The following FCRL5 variants were observed in gnomAD, a reference collection of about 807,000 sequenced individuals.
FCRL5 encodes the protein Fc receptor-like protein 5.
In FCRL5, 79 loss-of-function variants were observed where a neutral mutation model predicts 92.1. The observed-to-expected ratio is 0.86, with a 90% CI of 0.72 to 1.03. FCRL5 has a LOEUF of 1.03. Ranked by LOEUF, FCRL5 falls within the 50% of genes least tolerant of loss-of-function variation. FCRL5 has a pLI of 0.00. For missense variants in FCRL5, 1,160 were observed against 1,181.1 expected, an observed-to-expected ratio of 0.98 and a Z score of 0.26; for synonymous variants, 466 against 469.3, an observed-to-expected ratio of 0.99 and a Z score of 0.09.
At chr1:157,516,403 A>ACAT (rs1649935326) in intron 15 of FCRL5, among the ~76,000 whole-genome samples, 1 of 152,216 alleles carries the variant, frequency 6.6e-6, no homozygotes, top group African/African-American at 2.4e-5. Context: ...ATGTGTGAGC[A>ACAT]CATGTATCTG....
chr1:157,534,814 C>G lies in FCRL5; in HGVS notation c.1481G>C (p.Cys494Ser). Residue 494 changes from cysteine (C) to serine (S), a missense_variant, in exon 8 of 17, where the codon TGT becomes TCT. Cys to Ser is a moderately radical substitution (Grantham distance 112). Coordinates refer to ENST00000361835, the MANE Select transcript of FCRL5 (RefSeq NM_031281.3). ...TFEGATVTLHCEVQRGSPQIL... is the reference protein window; with the variant it reads ...TFEGATVTLHSEVQRGSPQIL... ...TTGTGGGGAACCTCTCTGGACTTCA[C>G]AGTGAAGTGTCACAGTGGCTCCTTC... 6.2e-7 allele frequency: 1 copy of G among 1,606,344 alleles called. No homozygotes were observed. Among genetic ancestry groups the G allele is most frequent in the Non-Finnish European group, 8.5e-7 (1 of 1,176,172 alleles).
chr1:157,533,102 T>C (rs1268425626), intron 8 of FCRL5: 1 of 152,142 alleles, frequency 6.6e-6, no homozygotes, highest in Non-Finnish European at 1.5e-5. Context: ...ACTGCTTTTT[T>C]CCCCATAATC....
chr1:157,544,112 C>G (rs1162109808), intron 5 of FCRL5, 150 bp downstream of exon 5: 1 of 800,486 alleles, frequency 1.2e-6, no homozygotes, highest in East Asian at 2.5e-5. Flanking sequence ...CTAAGATGTT[C>G]ACAAGAGTAG....
chr1:157,527,346 T>C (rs745708418), intron 9 of FCRL5, among the ~76,000 whole-genome samples: 4 of 152,236 alleles, frequency 2.6e-5, no homozygotes, highest in Non-Finnish European at 4.4e-5. Flanking sequence ...GAATATAGTT[T>C]GTATTTTGAA....
At chr1:157,545,202 T>C in intron 3 of FCRL5, 120 bp from the exon 4 acceptor site, 1 of 1,125,474 alleles carries the variant, frequency 8.9e-7, no homozygotes, top group South Asian at 1.6e-5. Flanking sequence ...CTTAAAATAA[T>C]TATCATTTCT....
chr1:157,544,308 A>C lies in FCRL5; in HGVS notation c.798T>G (p.Pro266=), dbSNP rs997105524. The change falls in exon 5 of 17, where the codon CCT becomes CCG. Residue 266 remains proline (P), a synonymous_variant. Coordinates refer to ENST00000361835, the MANE Select transcript of FCRL5 (RefSeq NM_031281.3). ...TCGGGCTGTCAGATATGACGCTGTAAGGCATTGTTGCTGCCTTACACCAGT... is the reference window on the plus strand; with the variant it reads ...TCGGGCTGTCAGATATGACGCTGTACGGCATTGTTGCTGCCTTACACCAGT... ...GFYWCKAATM[P]YSVISDSPRS... 5 of 1,614,212 alleles carry C rather than the reference A, an allele frequency of 3.1e-6. No homozygotes were observed. The highest frequency in any genetic ancestry group is 4.2e-6 in the Non-Finnish European group (5 of 1,180,030).
Position 157,544,875 on chromosome 1 carries a change from C to G in FCRL5, c.515G>C (p.Ser172Thr), listed in dbSNP as rs767832191. ...GAYRCTGYKE[S>T]CCPVSSNTVK... Reference sequence around the variant, plus strand: ...TGTATTGGAAGAAACAGGGCAACAACTTTCCTTATATCCAGTACAGCGATA... The same window carrying G: ...TGTATTGGAAGAAACAGGGCAACAAGTTTCCTTATATCCAGTACAGCGATA... The change falls in exon 4 of 17, where the codon AGT (serine) becomes ACT (threonine). Residue 172 changes from serine (S) to threonine (T), a missense_variant. Coordinates refer to ENST00000361835, the MANE Select transcript of FCRL5 (RefSeq NM_031281.3). 1.4e-5 allele frequency: 22 copies of G among 1,614,114 alleles called. No individual in the cohort carries two copies. The highest frequency in any genetic ancestry group is 1.5e-5 in the Non-Finnish European group (18 of 1,180,050).
rs970872004 is a variant in FCRL5 at position 157,545,018 on chromosome 1, C to T, written c.372G>A (p.Arg124=). Residue 124 remains arginine (R), a synonymous_variant, in exon 4 of 17, where the codon CGG becomes CGA. Coordinates refer to ENST00000361835, the MANE Select transcript of FCRL5 (RefSeq NM_031281.3). ...TATTCAGTGTTACTTCCGCCTTTGCCCGGCACCTCAGAACCACAGAGTCTC... is the reference window on the plus strand; with the variant it reads ...TATTCAGTGTTACTTCCGCCTTTGCTCGGCACCTCAGAACCACAGAGTCTC... ...FEGDSVVLRC[R]AKAEVTLNNT... The T allele has an allele frequency of 1.2e-6, 2 of 1,613,380 alleles. No homozygotes were observed. The highest frequency in any genetic ancestry group is 1.7e-5 in the Admixed American group (1 of 60,000).
chr1:157,552,457 C>G lies in FCRL5; in HGVS notation c.-95G>C. The G allele has an allele frequency of 7.8e-7, 1 of 1,283,832 alleles. No individual in the cohort carries two copies. Among genetic ancestry groups the G allele is most frequent in the South Asian group, 1.2e-5 (1 of 84,086 alleles). 79.5% of individuals were successfully genotyped at this position (1,283,832 alleles called of 1,614,324 possible). On this transcript the variant is annotated 5_prime_UTR_variant, in exon 1 of 17. Transcript: ENST00000361835. The stretch of plus-strand genomic sequence containing the variant: ...GATCTTACAGTCAGGACACTGCACA[C>G]CAGCTCCAAGGAGCACATCTGAGAA...
At position 157,552,452 on chromosome 1, in the gene FCRL5, G is replaced by T; in HGVS notation, c.-90C>A. The T allele has an allele frequency of 1.5e-6, 2 of 1,302,294 alleles. No individual in the cohort carries two copies. Among genetic ancestry groups the T allele is most frequent in the South Asian group, 1.2e-5 (1 of 84,624 alleles). The allele number at this position is 1,302,294 out of a possible 1,614,324, so 80.7% of individuals were successfully genotyped here. ...GACTTGATCTTACAGTCAGGACACT[G>T]CACACCAGCTCCAAGGAGCACATCT... On this transcript the variant is annotated 5_prime_UTR_variant, in exon 1 of 17. It introduces an in-frame stop codon into an upstream open reading frame of the 5' UTR. Transcript: ENST00000361835.
Position 157,527,654 on chromosome 1 carries a change from C to T in FCRL5, c.1923G>A (p.Val641=). The T allele has an allele frequency of 1.2e-6, 2 of 1,613,644 alleles. No homozygotes were observed. Among genetic ancestry groups the T allele is most frequent in the Non-Finnish European group, 1.7e-6 (2 of 1,179,704 alleles). The stretch of plus-strand genomic sequence containing the variant: ...GTGATATTGTGTCACTGTGCTGGGC[C>T]ACTAGGCCATTGTTGGCCTCACATG... ...NYSCEANNGL[V]AQHSDTISLS... Residue 641 remains valine, a synonymous_variant, in exon 9 of 17, where the codon GTG becomes GTA. Transcript: ENST00000361835.
intron 8 of FCRL5, among the ~76,000 whole-genome samples, chr1:157,529,190 C>A (rs983379741): frequency 1.3e-5 from 2 of 152,104 alleles, no homozygotes; most frequent in Admixed American, 1.3e-4. Flanking sequence ...AAATTGCCAG[C>A]AAACATGTAA....
Position 157,544,347 on chromosome 1 carries a change from T to C in FCRL5, c.759A>G (p.Lys253=), listed in dbSNP as rs536900181. Residue 253 remains lysine, a synonymous_variant, in exon 5 of 17, where the codon AAA becomes AAG. Coordinates refer to ENST00000361835, the MANE Select transcript of FCRL5 (RefSeq NM_031281.3). The part of the protein sequence containing the change: ...PNFQITAMWS[K]DSGFYWCKAA... ...CCTTACACCAGTAGAACCCTGAATC[T>C]TTACTCCACATGGCAGTAATCTGGA... 6.2e-7 allele frequency: 1 copy of C among 1,614,200 alleles called. No individual in the cohort carries two copies. The highest frequency in any genetic ancestry group is 2.2e-5 in the East Asian group (1 of 44,888).
In FCRL5 at chr1:157,534,615, A is replaced by G. The variant is rs1217656232; in HGVS notation, c.1680T>C (p.Thr560=). The change falls in exon 8 of 17, where the codon ACT becomes ACC. Residue 560 remains threonine (T), a splice_region_variant and synonymous_variant. Coordinates refer to ENST00000361835, the MANE Select transcript of FCRL5 (RefSeq NM_031281.3). ...GACTGGCAAGAACCCAGCACTTACC[A>G]GTGACAAAAAGGCTCACCACTTCAC... ...QRSEVVSLFV[T]VPVSRPILTL... is the part of the protein sequence containing the mutation. The G allele has an allele frequency of 1.2e-6, 2 of 1,614,058 alleles. No homozygotes were observed. The highest frequency in any genetic ancestry group is 1.3e-5 in the African/African-American group (1 of 74,914).
chr1:157,537,153 T>G (rs34335964), intron 7 of FCRL5, among the ~76,000 whole-genome samples: 9,219 of 152,272 alleles, frequency 0.061, 694 homozygotes, highest in African/African-American at 0.17. Context: ...GAGATAACCT[T>G]AAACTCTGGC....
intron 3 of FCRL5, chr1:157,546,152 A>G (rs1051277068): frequency 2.0e-5 from 7 of 345,294 alleles, no homozygotes; most frequent in African/African-American, 1.5e-4. Flanking sequence ...ATGTGACTTA[A>G]AACTATACAT....
intron 3 of FCRL5, among the ~76,000 whole-genome samples, chr1:157,546,725 C>G (rs1433706349): frequency 6.6e-6 from 1 of 152,160 alleles, no homozygotes; most frequent in East Asian, 1.9e-4. Flanking sequence ...TTAATCCACT[C>G]AAGTAAAAAT....
At chr1:157,529,884 G>A (rs1004908026) in intron 8 of FCRL5, among the ~76,000 whole-genome samples, 1 of 152,118 alleles carries the variant, frequency 6.6e-6, no homozygotes, top group Non-Finnish European at 1.5e-5. Flanking sequence ...CTGGCAACGA[G>A]TGCACCAAAA....
chr1:157,525,198 G>C (rs1457558975), intron 9 of FCRL5, among the ~76,000 whole-genome samples: 1 of 152,208 alleles, frequency 6.6e-6, no homozygotes, highest in South Asian at 2.1e-4. Flanking sequence ...TTAAAACTTT[G>C]ATAATTGATA....
Sources: allele counts gnomAD v4.1 joint callset (sites outside exome capture counted in the v4.1 genomes callset), GRCh38; gene constraint gnomAD v4.1.1; transcripts MANE v1.5; gene names NCBI Gene and HGNC (gene_info 2026-07-23, HGNC 2026-07-21).